The following TNS1 variants were observed in gnomAD, a reference collection of about 807,000 sequenced individuals.
The protein encoded by TNS1 is tensin 1.
TNS1 carries 62 observed loss-of-function variants against 168.6 expected under a neutral mutation model. The observed-to-expected ratio is 0.37, with a 90% CI of 0.30 to 0.45. The LOEUF (loss-of-function observed/expected upper bound fraction) is 0.45, where lower values mean the gene tolerates loss of function less well. Among genes scored for constraint, TNS1 ranks in the 20% least tolerant of loss-of-function variants. TNS1 has a pLI of 1.00. For missense variants in TNS1, 2,240 were observed against 2,339.4 expected (o/e 0.96, Z 0.88); for synonymous variants, 934 against 933.2 (o/e 1.00, Z -0.02).
intron 2 of TNS1, among the ~76,000 whole-genome samples, chr2:217,988,698 G>A (rs1488310156): frequency 6.6e-6 from 1 of 152,170 alleles, no homozygotes. Context: ...TTGGGAGGAG[G>A]GTGACACCGC....
At chr2:217,908,223 C>T (rs969296380) in intron 4 of TNS1, among the ~76,000 whole-genome samples, 2 of 152,140 alleles carry the variant, frequency 1.3e-5, no homozygotes, top group Non-Finnish European at 2.9e-5. Flanking sequence ...CACTCTGGCA[C>T]CCTCCTTTCT....
intron 13 of TNS1, 24 bp from the exon 14 acceptor site, chr2:217,886,128 G>A (rs781144140): frequency 6.2e-7 from 1 of 1,613,582 alleles, no homozygotes; most frequent in South Asian, 1.1e-5. Context: ...GTGGGTGTTA[G>A]CTAAGACAGC....
At chr2:217,878,548 G>A (rs939459853) in intron 18 of TNS1, among the ~76,000 whole-genome samples, 3 of 152,140 alleles carry the variant, frequency 2.0e-5, no homozygotes, top group Non-Finnish European at 4.4e-5. Context: ...CAAGTTCTTG[G>A]TGCCATGGCT....
At chr2:217,913,939 T>C (rs914607333) in intron 4 of TNS1, among the ~76,000 whole-genome samples, 4 of 152,106 alleles carry the variant, frequency 2.6e-5, no homozygotes, top group Admixed American at 1.3e-4. Flanking sequence ...TGCCTGGTTC[T>C]CTCTTCCCGC....
intron 18 of TNS1, among the ~76,000 whole-genome samples, chr2:217,870,763 T>G (rs1485548317): frequency 6.6e-6 from 1 of 152,158 alleles, no homozygotes; most frequent in African/African-American, 2.4e-5. Context: ...GTGTGTTCCA[T>G]GGGCAGAGGC....
In TNS1 at chr2:217,895,149, A is replaced by AC. The variant is rs1952153408; in HGVS notation, c.544-94dup. ...CCATGGCCTGCTGGTCCCAGAAAGGACCGTGGCATCATTGCCAACTTCCTC... is the reference window on the plus strand; with the variant it reads ...CCATGGCCTGCTGGTCCCAGAAAGGACCCGTGGCATCATTGCCAACTTCCTC... On this transcript the variant is annotated intron_variant, in intron 8 of 32. Transcript: ENST00000682258. 3.1e-6 allele frequency: 4 copies of AC among 1,302,056 alleles called. No individual in the cohort carries two copies. In the East Asian group the frequency reaches 1.0e-4, roughly 33 times the overall value. The allele number at this position is 1,302,056 out of a possible 1,614,324, so 80.7% of individuals were successfully genotyped here.
chr2:217,949,232 C>G lies in TNS1; in HGVS notation c.187-28996G>C, dbSNP rs539158215. On this transcript the variant is annotated intron_variant, in intron 3 of 32. Coordinates refer to ENST00000682258, the MANE Select transcript of TNS1 (RefSeq NM_001387777.1). ...ATGGCCTTAAGGTCTCTTGGAGATG[C>G]CCGGAAACATGTTTCTAGGCAGACG... Among the ~76,000 whole-genome samples, 46 of 152,310 alleles carry G rather than the reference C, an allele frequency of 3.0e-4. 1 individual carries two copies. The South Asian group carries it at 6.4e-3, about 21-fold the overall frequency.
chr2:217,903,436 T>C (rs941264816), intron 6 of TNS1, among the ~76,000 whole-genome samples: 125 of 152,114 alleles, frequency 8.2e-4, no homozygotes, highest in African/African-American at 2.8e-3. Flanking sequence ...AAAAGGAAAA[T>C]AAGCTCTCTG....
At chr2:217,978,411 A>G (rs1333084942) in intron 3 of TNS1, among the ~76,000 whole-genome samples, 22 of 152,004 alleles carry the variant, frequency 1.4e-4, no homozygotes, top group Non-Finnish European at 2.9e-5. Flanking sequence ...GGTAATTGAA[A>G]TGGATCCCCT....
In TNS1 at chr2:218,029,818, C is replaced by T. The variant is rs193185022; in HGVS notation, c.156+4002G>A. On this transcript the variant is annotated intron_variant, in intron 1 of 1. Transcript: ENST00000649572. ...GAGCTGTCACTGTTCTGTTTCTAGA[C>T]TCTGCATGCCAAGTATGTGAGTACG... 4.6e-5 allele frequency among the ~76,000 whole-genome samples: 7 copies of T among 152,336 alleles called. No individual in the cohort carries two copies. The East Asian group carries it at 1.3e-3, about 29-fold the overall frequency.
At position 217,817,676 on chromosome 2, in the gene TNS1, G is replaced by C. The variant is rs200865894; in HGVS notation, c.4642+14C>G. On this transcript the variant is annotated intron_variant, in intron 24 of 32. Transcript: ENST00000682258. The stretch of plus-strand genomic sequence containing the variant: ...TCAGCAGGAGAGGTGAAAATGGAAG[G>C]GGGAGAGGCCCACCTGGCATGGAGT... 3 of 1,571,320 alleles carry C rather than the reference G, an allele frequency of 1.9e-6. No homozygotes were observed. The South Asian group carries it at 3.5e-5, about 18-fold the overall frequency.
intron 8 of TNS1, among the ~76,000 whole-genome samples, chr2:217,896,440 A>G (rs1952305498): frequency 6.6e-6 from 1 of 152,264 alleles, no homozygotes; most frequent in Non-Finnish European, 1.5e-5. Flanking sequence ...GGAAGAGAAG[A>G]CACACAGAGA....
Position 217,808,592 on chromosome 2 carries a change from A to G in TNS1, c.5342+11T>C, listed in dbSNP as rs1939710015. 6.2e-7 allele frequency: 1 copy of G among 1,613,850 alleles called. No individual in the cohort carries two copies. The highest frequency in any genetic ancestry group is 8.5e-7 in the Non-Finnish European group (1 of 1,179,750). ...GCTGTGTGGGAGAGAAGCTGTGTAC[A>G]AGAGACTTACTTTCTTTCCTGTGGA... On this transcript the variant is annotated intron_variant, in intron 31 of 32. Coordinates refer to ENST00000682258, the MANE Select transcript of TNS1 (RefSeq NM_001387777.1).
chr2:217,876,344 G>T (rs772771469), intron 18 of TNS1, among the ~76,000 whole-genome samples: 7 of 152,166 alleles, frequency 4.6e-5, no homozygotes, highest in Non-Finnish European at 8.8e-5. Flanking sequence ...ATCTGGGCAC[G>T]GGGCATCAGA....
At chr2:217,822,276 C>T (rs1942987298) in intron 22 of TNS1, among the ~76,000 whole-genome samples, 1 of 152,298 alleles carries the variant, frequency 6.6e-6, no homozygotes, top group Non-Finnish European at 1.5e-5. Context: ...TGCTCAGCAC[C>T]CAGGCCCTTC....
At chr2:217,871,306 C>T (rs1275150614) in intron 18 of TNS1, among the ~76,000 whole-genome samples, 1 of 152,216 alleles carries the variant, frequency 6.6e-6, no homozygotes. Flanking sequence ...TCCCCTGCTA[C>T]TGCCCCCACC....
intron 3 of TNS1, among the ~76,000 whole-genome samples, chr2:217,977,611 G>A (rs1409150812): frequency 1.3e-5 from 2 of 152,172 alleles, no homozygotes; most frequent in African/African-American, 4.8e-5. Flanking sequence ...ACTGGGCTGG[G>A]CACTTCACAT....
intron 8 of TNS1, 63 bp from the exon 9 acceptor site, chr2:217,895,119 G>A (rs1012917382): frequency 2.7e-6 from 4 of 1,491,542 alleles, no homozygotes; most frequent in Non-Finnish European, 3.7e-6. Flanking sequence ...CGAGGAGAGA[G>A]AGAACCATGG....
chr2:217,969,583 A>G (rs1957728890), intron 3 of TNS1, among the ~76,000 whole-genome samples: 1 of 152,204 alleles, frequency 6.6e-6, no homozygotes, highest in South Asian at 2.1e-4. Context: ...TTACAACTCA[A>G]TAATAAAAGA....
Sources: gnomAD v4.1 joint callset for allele counts (sites outside exome capture counted in the v4.1 genomes callset) on GRCh38, gnomAD v4.1.1 for gene constraint, MANE v1.5 for transcripts, NCBI Gene and HGNC (gene_info 2026-07-23, HGNC 2026-07-21) for gene names.